TFPI: variants seen among roughly 807,000 people sequenced by gnomAD.
TFPI encodes the protein anti-convertin.
TFPI carries 15 observed loss-of-function variants against 34.6 expected under a neutral mutation model. The ratio of observed to expected loss-of-function variants is 0.43; its 90% confidence interval spans 0.29 to 0.67. The LOEUF (loss-of-function observed/expected upper bound fraction) is 0.67, where lower values mean the gene tolerates loss of function less well. Ranked by LOEUF, TFPI falls within the 30% of genes least tolerant of loss-of-function variation. The pLI, the probability that TFPI is intolerant of heterozygous loss-of-function variation, is 0.15. For missense variants in TFPI, 301 were observed against 364.0 expected (o/e 0.83, Z 1.41); for synonymous variants, 105 against 120.1 (o/e 0.87, Z 0.82).
chr2:187,484,923 A>G lies in TFPI; in HGVS notation c.423T>C (p.Tyr141=), dbSNP rs1432928818. 6.3e-7 allele frequency: 1 copy of G among 1,581,890 alleles called. No individual in the cohort carries two copies. The highest frequency in any genetic ancestry group is 1.8e-5 in the Admixed American group (1 of 54,950). The change falls in exon 5 of 8, where the codon TAT becomes TAC. Residue 141 remains tyrosine, a synonymous_variant. Transcript: ENST00000233156. ...ACTGTTTTGTCTGATTGTTATAAAA[A>G]TACCTGGTAATATAACCTCGACATA... is the stretch of plus-strand genomic sequence containing the variant. ...PGICRGYITR[Y]FYNNQTKQCE... is the part of the protein sequence containing the mutation.
At chr2:187,540,664 C>G (rs1688530043) in intron 1 of TFPI, among the ~76,000 whole-genome samples, 1 of 151,956 alleles carries the variant, frequency 6.6e-6, no homozygotes, top group African/African-American at 2.4e-5. Flanking sequence ...CCAAAGCGGG[C>G]AGATCACTTG....
Position 187,503,837 on chromosome 2 carries a change from A to G in TFPI, c.-2-67T>C. On this transcript the variant is annotated intron_variant, in intron 1 of 7. Coordinates refer to ENST00000233156, the MANE Select transcript of TFPI (RefSeq NM_006287.6). ...AATATGCACTCATTTACAGACTAGT[A>G]AACATCATATGTGTACCTCATATGC... is the stretch of plus-strand genomic sequence containing the variant. The G allele has an allele frequency of 1.9e-6, 3 of 1,561,680 alleles. No individual in the cohort carries two copies. The South Asian group carries it at 3.5e-5, about 18-fold the overall frequency.
intron 1 of TFPI, chr2:187,529,523 C>T (rs1439288519): frequency 1.3e-5 from 2 of 152,194 alleles, no homozygotes; most frequent in Middle Eastern, 3.2e-3. Context: ...TATCTTTTCT[C>T]TAAGGCCTTC....
At chr2:187,515,711 A>C (rs1686956722) in intron 1 of TFPI, 1 of 152,222 alleles carries the variant, frequency 6.6e-6, no homozygotes, top group East Asian at 1.9e-4. Context: ...ACGTCAAGTC[A>C]CTGCGGTAGG....
chr2:187,543,457 T>C (rs1367684053), intron 1 of TFPI, among the ~76,000 whole-genome samples: 2 of 152,228 alleles, frequency 1.3e-5, no homozygotes, highest in African/African-American at 4.8e-5. Flanking sequence ...CTGGTGTTCA[T>C]GGAGAAAAAG....
chr2:187,467,009 A>G lies in TFPI; in HGVS notation c.842T>C (p.Ile281Thr). Residue 281 changes from isoleucine to threonine, a missense_variant, in exon 8 of 8, where the codon ATT (isoleucine) becomes ACT (threonine). Coordinates refer to ENST00000233156, the MANE Select transcript of TFPI (RefSeq NM_006287.6). The stretch of plus-strand genomic sequence containing the variant: ...CTTCTTTCTTTTTCTTTTGGTTTTA[A>G]TTAGGCCTCCTTTTGATATTCTTTG... ...FIQRISKGGL[I>T]KTKRKRKKQR... 1 of 1,589,682 alleles carries G rather than the reference A, an allele frequency of 6.3e-7. No individual in the cohort carries two copies. The highest frequency in any genetic ancestry group is 8.6e-7 in the Non-Finnish European group (1 of 1,165,800).
In TFPI at chr2:187,504,576, A is replaced by G. The variant is rs572815435; in HGVS notation, c.-2-806T>C. 4.8e-3 allele frequency among the ~76,000 whole-genome samples: 726 copies of G among 152,108 alleles called. 1 individual carries two copies. Among genetic ancestry groups the G allele is most frequent in the Non-Finnish European group, 6.0e-3 (405 of 67,958 alleles). On this transcript the variant is annotated intron_variant, in intron 1 of 7. Transcript: ENST00000233156. ...TCTATCGCCAAAAAGGAAAAAAAAAAAAAAGAAAAGAAAGAAGTAAGTCAC... is the reference window on the plus strand; with the variant it reads ...TCTATCGCCAAAAAGGAAAAAAAAAGAAAAGAAAAGAAAGAAGTAAGTCAC...
At chr2:187,472,622 T>C (rs1216863406) in intron 6 of TFPI, among the ~76,000 whole-genome samples, 1 of 152,212 alleles carries the variant, frequency 6.6e-6, no homozygotes, top group Non-Finnish European at 1.5e-5. Flanking sequence ...AGAAACTGCT[T>C]ATAGCTTGCC....
intron 6 of TFPI, among the ~76,000 whole-genome samples, chr2:187,470,463 G>C (rs760725545): frequency 6.6e-6 from 1 of 152,134 alleles, no homozygotes. Context: ...TCCCTAGATT[G>C]GACGTATGAG....
At chr2:187,506,018 G>A (rs1023102806) in intron 1 of TFPI, among the ~76,000 whole-genome samples, 2 of 151,698 alleles carry the variant, frequency 1.3e-5, no homozygotes, top group Non-Finnish European at 2.9e-5. Context: ...AAAGCAAAAG[G>A]CAAATAAAGT....
At chr2:187,502,782 T>A (rs1013277035) in intron 2 of TFPI, among the ~76,000 whole-genome samples, 5 of 152,166 alleles carry the variant, frequency 3.3e-5, no homozygotes, top group African/African-American at 1.2e-4. Context: ...CAGCCATACC[T>A]GTTTCTCTAG....
chr2:187,491,677 T>C (rs896561396), intron 3 of TFPI, among the ~76,000 whole-genome samples: 12 of 152,166 alleles, frequency 7.9e-5, no homozygotes, highest in African/African-American at 2.9e-4. Flanking sequence ...AGTACAGTTA[T>C]CTTTCTGATA....
At chr2:187,553,662 A>G (rs550468243) in intron 1 of TFPI, among the ~76,000 whole-genome samples, 69 of 152,310 alleles carry the variant, frequency 4.5e-4, no homozygotes, top group African/African-American at 1.6e-3. Context: ...TCTTTGGAGA[A>G]TTGTAAAATA....
intron 2 of TFPI, 89 bp downstream of exon 2, chr2:187,503,559 C>T: frequency 7.0e-7 from 1 of 1,433,624 alleles, no homozygotes; most frequent in South Asian, 1.3e-5. Context: ...AACTAATTTC[C>T]CTCCACAATG....
At chr2:187,491,917 C>T (rs1685147380) in intron 3 of TFPI, among the ~76,000 whole-genome samples, 1 of 151,996 alleles carries the variant, frequency 6.6e-6, no homozygotes. Context: ...TATGGTATCT[C>T]ATTGTGGTTT....
chr2:187,549,823 T>C (rs1689029387), intron 1 of TFPI, among the ~76,000 whole-genome samples: 1 of 152,028 alleles, frequency 6.6e-6, no homozygotes, highest in Non-Finnish European at 1.5e-5. Flanking sequence ...TAAAAGCCCT[T>C]CTATTTCTAA....
At chr2:187,547,423 A>G (rs1688923916) in intron 1 of TFPI, 1 of 152,204 alleles carries the variant, frequency 6.6e-6, no homozygotes, top group Non-Finnish European at 1.5e-5. Context: ...TAATAAAAAT[A>G]AGCCTTAATG....
intron 1 of TFPI, chr2:187,514,740 A>T (rs1686878508): frequency 6.6e-6 from 1 of 152,224 alleles, no homozygotes; most frequent in Non-Finnish European, 1.5e-5. Context: ...CAGAGGGAGG[A>T]AAAATAAGAC....
chr2:187,496,922 C>T lies in TFPI; in HGVS notation c.278G>A (p.Arg93Gln), dbSNP rs752822584. 3.7e-6 allele frequency: 6 copies of T among 1,613,140 alleles called. No homozygotes were observed. Among genetic ancestry groups the T allele is most frequent in the Non-Finnish European group, 4.2e-6 (5 of 1,179,418 alleles). Residue 93 changes from arginine to glutamine, a missense_variant, in exon 3 of 8, where the codon CGA becomes CAA. Physicochemically the swap from Arg to Gln is conservative, Grantham distance 43. Transcript: ENST00000233156. ...TTTGCACTCTTCCAGACTTTCAAAT[C>T]GATTCTGATTTCCTTCACATCCCCC... Reference protein sequence around the residue: ...IYGGCEGNQNRFESLEECKKM... With the variant: ...IYGGCEGNQNQFESLEECKKM...
Sources: allele counts gnomAD v4.1 joint callset (sites outside exome capture counted in the v4.1 genomes callset), GRCh38; gene constraint gnomAD v4.1.1; transcripts MANE v1.5; gene names NCBI Gene and HGNC (gene_info 2026-07-23, HGNC 2026-07-21).